The following LNX1 variants were observed in gnomAD, a reference collection of about 807,000 sequenced individuals.
The protein encoded by LNX1 is ligand of numb-protein X 1, also known as E3 ubiquitin-protein ligase LNX.
LNX1 carries 54 observed loss-of-function variants against 68.4 expected under a neutral mutation model. That is an observed-to-expected ratio of 0.79 (90% CI 0.63 to 0.99). The LOEUF (loss-of-function observed/expected upper bound fraction) is 0.99. Among genes scored for constraint, LNX1 ranks in the 50% least tolerant of loss-of-function variants. The pLI is 0.00. For synonymous variants in LNX1, 336 were observed against 350.0 expected, an observed-to-expected ratio of 0.96 and a Z score of 0.45; for missense variants, 906 against 926.4, an observed-to-expected ratio of 0.98 and a Z score of 0.29.
upstream of LNX1, among the ~76,000 whole-genome samples, chr4:53,595,810 C>G (rs1408546446): frequency 6.6e-6 from 1 of 152,198 alleles, no homozygotes; most frequent in Admixed American, 6.5e-5. Context: ...TGGCAATGAA[C>G]CTACAGCGAA....
intron 2 of LNX1, among the ~76,000 whole-genome samples, chr4:53,547,026 T>C (rs888757612): frequency 2.0e-5 from 3 of 152,226 alleles, no homozygotes; most frequent in Non-Finnish European, 2.9e-5. Flanking sequence ...AGGAAGAGAC[T>C]GTATGGTTAC....
rs1261168393 is a variant in LNX1 at position 53,459,811 on chromosome 4, T to TAAGA, written c.*1092_*1095dup. 6.6e-6 allele frequency: 2 copies of TAAGA among 300,796 alleles called. No individual in the cohort carries two copies. The highest frequency in any genetic ancestry group is 5.8e-5 in the South Asian group (1 of 17,164). The allele number at this position is 300,796 out of a possible 1,614,324, so 18.6% of individuals were successfully genotyped here. A position where few individuals can be genotyped will look rare whatever the true frequency, so the allele number is the denominator to read the frequency against. ...TTTTGTTAATCAAACACCACTCTCTTAAGAGGCTGCATCACAAAAGGCAAC... is the reference window on the plus strand; with the variant it reads ...TTTTGTTAATCAAACACCACTCTCTTAAGAAAGAGGCTGCATCACAAAAGGCAAC... On this transcript the variant is annotated 3_prime_UTR_variant, in exon 11 of 11. Transcript: ENST00000263925.
At chr4:53,471,602 G>C (rs1723189346) in intron 9 of LNX1, among the ~76,000 whole-genome samples, 1 of 151,840 alleles carries the variant, frequency 6.6e-6, no homozygotes, top group Admixed American at 6.6e-5. Flanking sequence ...TCTGACAAAG[G>C]GCTAATATCC....
chr4:53,613,037 A>G (rs1379092801), intron 2 of LNX1, among the ~76,000 whole-genome samples: 1 of 151,012 alleles, frequency 6.6e-6, no homozygotes, highest in Non-Finnish European at 1.5e-5. Context: ...GTGCATGTGT[A>G]TGTCTACCTA....
chr4:53,588,009 A>T (rs11942048), intron 1 of LNX1, among the ~76,000 whole-genome samples: 21,898 of 152,244 alleles, frequency 0.14, 1,645 homozygotes, highest in African/African-American at 0.17. Context: ...TACCGTTTCC[A>T]TCATTATTAC....
At chr4:53,645,202 A>G (rs1321376750) in intron 1 of LNX1, among the ~76,000 whole-genome samples, 34 of 152,162 alleles carry the variant, frequency 2.2e-4, no homozygotes, top group Non-Finnish European at 7.4e-5. Context: ...CAAATTAAGA[A>G]TCCAGAGGAA....
chr4:53,625,190 C>T (rs184054961), intron 1 of LNX1, among the ~76,000 whole-genome samples: 23 of 152,082 alleles, frequency 1.5e-4, no homozygotes, highest in Non-Finnish European at 2.5e-4. Flanking sequence ...AGCTATGACA[C>T]GAAAAGCACA....
Position 53,507,384 on chromosome 4 carries a change from G to C in LNX1, c.708C>G (p.Ser236Arg), listed in dbSNP as rs143497847. Residue 236 changes from serine to arginine, a missense_variant, in exon 4 of 11, where the codon AGC becomes AGG. Physicochemically the swap from Ser to Arg is moderately radical, Grantham distance 110. Transcript: ENST00000263925. ...CGGCATGGTTGGCAACTGCACTCCC[G>C]CTCTTTGTCCTTCGAAGAACACTCA... The part of the protein sequence containing the change: ...RALSVLRRTK[S>R]GSAVANHADQ... 14 of 1,613,936 alleles carry C rather than the reference G, an allele frequency of 8.7e-6. No individual in the cohort carries two copies. The African/African-American group carries it at 1.6e-4, about 18-fold the overall frequency.
upstream of LNX1, chr4:53,617,534 T>C (rs1490113377): frequency 6.6e-6 from 1 of 152,234 alleles, no homozygotes; most frequent in East Asian, 1.9e-4. Context: ...AATCCATCCT[T>C]CTGCTTCATG....
chr4:53,516,319 A>G (rs1048284087), intron 2 of LNX1, among the ~76,000 whole-genome samples: 1 of 152,230 alleles, frequency 6.6e-6, no homozygotes, highest in Admixed American at 6.5e-5. Flanking sequence ...AGTAACTAGC[A>G]TAATTATTGT....
intron 1 of LNX1, among the ~76,000 whole-genome samples, chr4:53,646,193 T>G (rs1429329265): frequency 6.6e-6 from 1 of 152,174 alleles, no homozygotes; most frequent in Non-Finnish European, 1.5e-5. Flanking sequence ...TTTAAATTCT[T>G]GTTTATATTT....
chr4:53,558,069 A>C, intron 2 of LNX1: 1 of 1,535,454 alleles, frequency 6.5e-7, no homozygotes, highest in East Asian at 2.4e-5. Flanking sequence ...CCCCACAATC[A>C]GTAGATCACA....
intron 1 of LNX1, among the ~76,000 whole-genome samples, chr4:53,580,781 C>G (rs2109796878): frequency 6.6e-6 from 1 of 152,236 alleles, no homozygotes; most frequent in East Asian, 1.9e-4. Flanking sequence ...TATATCCAAT[C>G]CTTAGAACCA....
At chr4:53,616,517 C>G (rs1733686570) in exon 2 of LNX1, 3 of 152,166 alleles carry the variant, frequency 2.0e-5, no homozygotes, top group African/African-American at 7.2e-5. Context: ...TTTGGCCTAC[C>G]TGGGCAGCTT....
intron 2 of LNX1, among the ~76,000 whole-genome samples, chr4:53,545,350 C>A (rs1729035138): frequency 6.6e-6 from 1 of 152,230 alleles, no homozygotes; most frequent in African/African-American, 2.4e-5. Context: ...CTCAGCCCCC[C>A]AACCTGGCCC....
rs1172210369 is a variant in LNX1, at chr4:53,478,717, T to A, written c.1511A>T (p.His504Leu). The change falls in exon 8 of 11, where the codon CAT becomes CTT. Residue 504 changes from histidine (H) to leucine (L), a missense_variant. By Grantham distance (99) the His-to-Leu change is moderately conservative (BLOSUM62 -3). Transcript: ENST00000263925. ...PKPLHPTITC[H>L]EKVVNIQKDP... ...TTTTTGGATATTTACCACCTTCTCA[T>A]GACAAGTAATTGTAGGATGGAGGGG... 1.9e-6 allele frequency: 3 copies of A among 1,614,024 alleles called. No homozygotes were observed. Among genetic ancestry groups the A allele is most frequent in the Non-Finnish European group, 2.5e-6 (3 of 1,179,944 alleles).
intron 1 of LNX1, among the ~76,000 whole-genome samples, chr4:53,635,015 G>T (rs750513978): frequency 6.6e-6 from 1 of 151,278 alleles, no homozygotes; most frequent in Non-Finnish European, 1.5e-5. Flanking sequence ...TTTTTTGTAC[G>T]CAAGAAGTCT....
At chr4:53,552,072 C>T (rs539818210) in intron 2 of LNX1, among the ~76,000 whole-genome samples, 1 of 152,208 alleles carries the variant, frequency 6.6e-6, no homozygotes, top group South Asian at 2.1e-4. Context: ...AATATTGTTC[C>T]TAGTGATTCC....
At chr4:53,534,654 A>T (rs1209724165) in intron 2 of LNX1, among the ~76,000 whole-genome samples, 7 of 152,136 alleles carry the variant, frequency 4.6e-5, no homozygotes, top group Admixed American at 4.6e-4. Context: ...AAAAAACATA[A>T]TAATTCTAGG....
Sources: allele counts gnomAD v4.1 joint callset (sites outside exome capture counted in the v4.1 genomes callset), GRCh38; gene constraint gnomAD v4.1.1; transcripts MANE v1.5; gene names NCBI Gene and HGNC (gene_info 2026-07-23, HGNC 2026-07-21).